MRPL47: variants seen among roughly 807,000 people sequenced by gnomAD.
MRPL47 encodes the protein mitochondrial ribosomal protein L47, also known as large ribosomal subunit protein uL29m.
A neutral mutation model predicts 34.0 loss-of-function variants in MRPL47; 31 were observed. The observed-to-expected ratio is 0.91, with a 90% CI of 0.68 to 1.23. The LOEUF (loss-of-function observed/expected upper bound fraction) is 1.23. Ranked by LOEUF, MRPL47 falls within the 50% of genes most tolerant of loss-of-function variation. MRPL47 has a pLI of 0.00. For synonymous variants in MRPL47, 106 were observed against 101.6 expected (o/e 1.04, Z -0.26); for missense variants, 328 against 285.8 (o/e 1.15, Z -1.07).
At chr3:179,589,735 G>A (rs999926888) in intron 6 of MRPL47, among the ~76,000 whole-genome samples, 1 of 152,226 alleles carries the variant, frequency 6.6e-6, no homozygotes, top group African/African-American at 2.4e-5. Context: ...ATAGAAAATT[G>A]AGATAACACG....
Position 179,602,644 on chromosome 3 carries a change from T to C in MRPL47, c.244+8A>G, listed in dbSNP as rs552682427. 3.8e-5 allele frequency: 60 copies of C among 1,586,862 alleles called. No individual in the cohort carries two copies. The Admixed American group carries it at 4.3e-4, about 11-fold the overall frequency. On this transcript the variant is annotated splice_region_variant and intron_variant, in intron 2 of 6. Transcript: ENST00000476781. ...TATATCTAATGTTGACAAATCCAAGTATCTCACCAGATTTTACTTTTTCTT... is the reference window on the plus strand; with the variant it reads ...TATATCTAATGTTGACAAATCCAAGCATCTCACCAGATTTTACTTTTTCTT...
chr3:179,601,032 TA>T (rs1272669813), intron 3 of MRPL47, among the ~76,000 whole-genome samples: 1 of 152,174 alleles, frequency 6.6e-6, no homozygotes, highest in Non-Finnish European at 1.5e-5. Context: ...AATTCTCAAT[TA>T]AATGCATCCT....
At chr3:179,604,452 G>A in intron 1 of MRPL47, 75 bp downstream of exon 1, 2 of 1,392,288 alleles carry the variant, frequency 1.4e-6, no homozygotes, top group Non-Finnish European at 2.0e-6. Context: ...GTTGTTCTCG[G>A]CATCTCGGCA....
At position 179,588,761 on chromosome 3, in the gene MRPL47, T is replaced by G; in HGVS notation, c.*111A>C. The G allele has an allele frequency of 9.5e-7, 1 of 1,049,198 alleles. No homozygotes were observed. The highest frequency in any genetic ancestry group is 1.4e-6 in the Non-Finnish European group (1 of 732,234). The allele number at this position is 1,049,198 out of a possible 1,614,324, so 65.0% of individuals were successfully genotyped here. A position where few individuals can be genotyped will look rare whatever the true frequency, so the allele number is the denominator to read the frequency against. On this transcript the variant is annotated 3_prime_UTR_variant, in exon 7 of 7. Transcript: ENST00000476781. ...ATTCACACTTAGAACAACTGATTAGTAAAGTCACTTGACTAAAAACAGAAT... is the reference window on the plus strand; with the variant it reads ...ATTCACACTTAGAACAACTGATTAGGAAAGTCACTTGACTAAAAACAGAAT...
intron 6 of MRPL47, among the ~76,000 whole-genome samples, chr3:179,590,027 A>G (rs1352259146): frequency 6.6e-6 from 1 of 152,202 alleles, no homozygotes; most frequent in Non-Finnish European, 1.5e-5. Flanking sequence ...CTGGATTGAT[A>G]CATTCTCATA....
intron 6 of MRPL47, 104 bp from the exon 7 acceptor site, chr3:179,589,099 C>T: frequency 8.9e-7 from 1 of 1,118,430 alleles, no homozygotes; most frequent in Non-Finnish European, 1.3e-6. Flanking sequence ...TTCAAACATG[C>T]CAGTCCCTGT....
intron 6 of MRPL47, among the ~76,000 whole-genome samples, chr3:179,590,597 G>GGTA (rs1718651916): frequency 6.6e-6 from 1 of 151,920 alleles, no homozygotes; most frequent in Admixed American, 6.6e-5. Context: ...ATGAAAGGTA[G>GGTA]GTAGCTAAGA....
intron 4 of MRPL47, among the ~76,000 whole-genome samples, chr3:179,598,125 T>C (rs779388015): frequency 6.6e-6 from 1 of 152,152 alleles, no homozygotes; most frequent in Non-Finnish European, 1.5e-5. Flanking sequence ...ACATGTATGT[T>C]AGAAGTTGCA....
chr3:179,601,759 G>A lies in MRPL47; in HGVS notation c.276C>T (p.Asn92=). 1.2e-6 allele frequency: 2 copies of A among 1,608,034 alleles called. No individual in the cohort carries two copies. The highest frequency in any genetic ancestry group is 1.7e-6 in the Non-Finnish European group (2 of 1,175,308). The change falls in exon 3 of 7, where the codon AAC becomes AAT. Residue 92 remains asparagine (N), a synonymous_variant. Coordinates refer to ENST00000476781, the MANE Select transcript of MRPL47 (RefSeq NM_020409.3). The stretch of plus-strand genomic sequence containing the variant: ...GTTTGTGTAAATCTTCATTACTTTT[G>A]TTCCTTAGTTGCTGACAGGTCCATG... ...GAAWTCQQLR[N]KSNEDLHKLW...
chr3:179,604,429 G>T, intron 1 of MRPL47, 98 bp downstream of exon 1: 1 of 1,218,286 alleles, frequency 8.2e-7, no homozygotes. Context: ...CCAGGCGGCC[G>T]TTCCATTCTT....
At chr3:179,592,273 C>CAA (rs1178573499) in intron 6 of MRPL47, among the ~76,000 whole-genome samples, 2 of 152,208 alleles carry the variant, frequency 1.3e-5, no homozygotes, top group African/African-American at 4.8e-5. Context: ...CTGCTCACTG[C>CAA]AAGCTCTGCC....
chr3:179,595,440 C>A (rs1718770501), intron 4 of MRPL47, among the ~76,000 whole-genome samples: 2 of 152,306 alleles, frequency 1.3e-5, no homozygotes, highest in South Asian at 4.1e-4. Context: ...TTCCTCTTAA[C>A]TATTTTATTT....
At chr3:179,600,545 G>A (rs531077042) in intron 3 of MRPL47, among the ~76,000 whole-genome samples, 124 of 152,288 alleles carry the variant, frequency 8.1e-4, no homozygotes, top group Non-Finnish European at 1.4e-3. Context: ...GAGAGGCTGA[G>A]GCATGAGAAT....
chr3:179,604,242 G>A (rs1719002929), intron 1 of MRPL47, among the ~76,000 whole-genome samples: 1 of 152,152 alleles, frequency 6.6e-6, no homozygotes, highest in Non-Finnish European at 1.5e-5. Context: ...AGCCCAAGAG[G>A]ATGCTTCTGT....
chr3:179,592,218 G>A (rs890590490), intron 6 of MRPL47, among the ~76,000 whole-genome samples: 14 of 151,856 alleles, frequency 9.2e-5, no homozygotes, highest in Admixed American at 5.9e-4. Context: ...TTTTTGAGAC[G>A]GAGTCTCACT....
intron 6 of MRPL47, among the ~76,000 whole-genome samples, chr3:179,589,500 C>A (rs192697255): frequency 6.6e-6 from 1 of 152,224 alleles, no homozygotes; most frequent in African/African-American, 2.4e-5. Flanking sequence ...TAAATTACAA[C>A]ATAAATTACT....
intron 3 of MRPL47, among the ~76,000 whole-genome samples, chr3:179,600,088 T>A (rs1718891749): frequency 6.7e-6 from 1 of 150,212 alleles, no homozygotes; most frequent in African/African-American, 2.5e-5. Flanking sequence ...GCCATTGCAC[T>A]CCGGCCTGGG....
At chr3:179,592,818 G>A (rs1718707086) in intron 5 of MRPL47, 79 bp from the exon 6 acceptor site, 2 of 838,474 alleles carry the variant, frequency 2.4e-6, no homozygotes, top group East Asian at 4.9e-5. Context: ...CCTCAAAAGG[G>A]TTAGTCCAAA....
intron 3 of MRPL47, among the ~76,000 whole-genome samples, chr3:179,600,613 G>A (rs937433444): frequency 5.3e-5 from 8 of 152,192 alleles, no homozygotes; most frequent in African/African-American, 1.9e-4. Context: ...CTGAATTGCA[G>A]CCTGGGTGAC....
Sources: gnomAD v4.1 joint callset for allele counts (sites outside exome capture counted in the v4.1 genomes callset) on GRCh38, gnomAD v4.1.1 for gene constraint, MANE v1.5 for transcripts, NCBI Gene and HGNC (gene_info 2026-07-23, HGNC 2026-07-21) for gene names.